The following TACC2 variants were observed in gnomAD, a reference collection of about 807,000 sequenced individuals.
The protein encoded by TACC2 is transforming acidic coiled-coil containing protein 2.
In TACC2, 137 loss-of-function variants were observed where a neutral mutation model predicts 227.3. The observed-to-expected ratio is 0.60, with a 90% CI of 0.52 to 0.69. The LOEUF is 0.69. Ranked by LOEUF, TACC2 falls within the 30% of genes least tolerant of loss-of-function variation. The probability of loss-of-function intolerance (pLI) is 0.00; values close to 1 mark genes in which losing one functional copy is unlikely to be tolerated. For missense variants in TACC2, 3,470 were observed against 3,694.4 expected, an observed-to-expected ratio of 0.94 and a Z score of 1.57; for synonymous variants, 1,523 against 1,487.5, an observed-to-expected ratio of 1.02 and a Z score of -0.55.
chr10:122,028,837 GCTCCC>G (rs1338738996), intron 2 of TACC2, among the ~76,000 whole-genome samples: 7 of 8,678 alleles, frequency 8.1e-4, no homozygotes, highest in African/African-American at 4.0e-3. Flanking sequence ...CCTTCCCTCC[GCTCCC>G]CTCCCCTCCC....
chr10:122,238,179 A>G, intron 18 of TACC2, 142 bp downstream of exon 18: 2 of 622,300 alleles, frequency 3.2e-6, no homozygotes, highest in East Asian at 2.8e-5. Context: ...ATATTTTTCT[A>G]AAAGTATTTT....
At chr10:122,213,981 C>G (rs1346802601) in intron 9 of TACC2, among the ~76,000 whole-genome samples, 1 of 152,188 alleles carries the variant, frequency 6.6e-6, no homozygotes, top group African/African-American at 2.4e-5. Flanking sequence ...GTCGGCATGC[C>G]TTGTCTGCCA....
At chr10:122,015,713 A>T (rs938087956) in intron 1 of TACC2, among the ~76,000 whole-genome samples, 1 of 148,602 alleles carries the variant, frequency 6.7e-6, no homozygotes, top group Middle Eastern at 3.6e-3. Flanking sequence ...TTAGCCAGGC[A>T]TGGTGGTGCA....
At chr10:122,061,570 T>C (rs915386459) in intron 3 of TACC2, among the ~76,000 whole-genome samples, 1 of 152,164 alleles carries the variant, frequency 6.6e-6, no homozygotes, top group South Asian at 2.1e-4. Context: ...AGTTCTCCTT[T>C]CTGCTTCAGG....
Position 122,085,891 on chromosome 10 carries a change from G to A in TACC2, c.3391G>A (p.Glu1131Lys), listed in dbSNP as rs759236435. 5 of 1,613,456 alleles carry A rather than the reference G, an allele frequency of 3.1e-6. No individual in the cohort carries two copies. The highest frequency in any genetic ancestry group is 1.7e-4 in the Middle Eastern group (1 of 6,052). The change falls in exon 4 of 23, where the codon GAG becomes AAG. Residue 1131 changes from glutamate to lysine, a missense_variant. Around this residue, in one of 10 missense-constraint regions of TACC2, gnomAD observed 1,924 missense variants for 1,978.3 expected, o/e 0.97. Coordinates refer to ENST00000369005, the MANE Select transcript of TACC2 (RefSeq NM_206862.4). ...GEQGGEAGAA[E>K]TGGSAGAGDP... Reference sequence around the variant, plus strand: ...GCAAGGTGGTGAAGCCGGGGCTGCTGAGACTGGTGGCAGCGCTGGTGCAGG... The same window carrying A: ...GCAAGGTGGTGAAGCCGGGGCTGCTAAGACTGGTGGCAGCGCTGGTGCAGG...
chr10:122,237,343 G>T (rs958879672), intron 16 of TACC2, 52 bp from the exon 17 acceptor site: 3 of 1,545,386 alleles, frequency 1.9e-6, no homozygotes, highest in Non-Finnish European at 2.6e-6. Flanking sequence ...AATCCTCTTT[G>T]TCGTATGATT....
chr10:122,249,895 C>A (rs2096217961), intron 22 of TACC2, among the ~76,000 whole-genome samples: 1 of 152,242 alleles, frequency 6.6e-6, no homozygotes, highest in Admixed American at 6.5e-5. Flanking sequence ...GTGTTTACTG[C>A]CATTTTCATT....
chr10:122,014,431 G>A (rs1019027561), intron 1 of TACC2, among the ~76,000 whole-genome samples: 15 of 151,952 alleles, frequency 9.9e-5, no homozygotes, highest in African/African-American at 3.1e-4. Context: ...GGCTGGTGTT[G>A]AACTCCTGAC....
chr10:122,166,242 T>G (rs892336190), intron 7 of TACC2, among the ~76,000 whole-genome samples: 1 of 152,192 alleles, frequency 6.6e-6, no homozygotes, highest in South Asian at 2.1e-4. Context: ...AGGGCCATGG[T>G]GTAAGAGTGA....
At chr10:122,193,820 G>T (rs1484539588) in intron 7 of TACC2, among the ~76,000 whole-genome samples, 1 of 152,198 alleles carries the variant, frequency 6.6e-6, no homozygotes, top group Non-Finnish European at 1.5e-5. Flanking sequence ...GGTGGAGCTG[G>T]CTTAGTACTG....
intron 7 of TACC2, among the ~76,000 whole-genome samples, chr10:122,179,617 G>A (rs1171797549): frequency 1.3e-5 from 2 of 151,488 alleles, no homozygotes; most frequent in East Asian, 3.9e-4. Context: ...TCCTGCTGCT[G>A]TTGTTACAGC....
At chr10:122,124,658 G>T (rs549450351) in intron 5 of TACC2, among the ~76,000 whole-genome samples, 3 of 152,276 alleles carry the variant, frequency 2.0e-5, no homozygotes, top group African/African-American at 7.2e-5. Flanking sequence ...CATGTGTGCT[G>T]GGGAGTGGCT....
At chr10:122,248,611 T>A in intron 19 of TACC2, 32 bp from the exon 20 acceptor site, 2 of 1,611,586 alleles carry the variant, frequency 1.2e-6, no homozygotes, top group Non-Finnish European at 1.7e-6. Context: ...CTTTCTGGGC[T>A]CCATCATTTG....
intron 7 of TACC2, among the ~76,000 whole-genome samples, chr10:122,178,276 G>A (rs540385477): frequency 6.4e-5 from 9 of 140,996 alleles, no homozygotes; most frequent in South Asian, 4.4e-4. Context: ...TGCTCTTGTC[G>A]CCTAGGCTGG....
At chr10:122,021,054 AC>A (rs1170052177) in intron 1 of TACC2, among the ~76,000 whole-genome samples, 2 of 151,786 alleles carry the variant, frequency 1.3e-5, no homozygotes, top group African/African-American at 4.8e-5. Context: ...AGATGGTGAA[AC>A]CCCGTCTCTA....
At position 122,226,349 on chromosome 10, in the gene TACC2, G is replaced by A. The variant is rs375871685; in HGVS notation, c.7609-17G>A. 95 of 1,594,994 alleles carry A rather than the reference G, an allele frequency of 6.0e-5. No homozygotes were observed. The highest frequency in any genetic ancestry group is 7.9e-5 in the Non-Finnish European group (92 of 1,163,484). The stretch of plus-strand genomic sequence containing the variant: ...GCCAACTGTACCCAAGCTGATATGT[G>A]ATTTTGATCCCTGCAGCAGGACGAC... On this transcript the variant is annotated splice_polypyrimidine_tract_variant and intron_variant, in intron 12 of 22. Coordinates refer to ENST00000369005, the MANE Select transcript of TACC2 (RefSeq NM_206862.4).
chr10:122,182,286 C>G (rs35861505), intron 7 of TACC2, among the ~76,000 whole-genome samples: 4,820 of 152,296 alleles, frequency 0.032, 102 homozygotes, highest in Non-Finnish European at 0.047. Context: ...GAAACCTGCT[C>G]TGGACGCAGG....
rs769522022 is a variant in TACC2 at position 122,082,743 on chromosome 10, G to A, written c.243G>A (p.Arg81=). The part of the protein sequence containing the change: ...CLVSPEVTEP[R]KDPQGARGPE... ...TGTCCCCAGAGGTGACTGAGCCAAG[G>A]AAGGACCCACAGGGAGCCAGGGGGC... is the stretch of plus-strand genomic sequence containing the variant. Residue 81 remains arginine, a synonymous_variant, in exon 4 of 23, where the codon AGG becomes AGA. Transcript: ENST00000369005. 7 of 1,614,058 alleles carry A rather than the reference G, an allele frequency of 4.3e-6. No individual in the cohort carries two copies.
intron 5 of TACC2, among the ~76,000 whole-genome samples, chr10:122,127,802 CG>C (rs1292396457): frequency 6.6e-6 from 1 of 152,118 alleles, no homozygotes; most frequent in African/African-American, 2.4e-5. Flanking sequence ...AGAAAGGGCC[CG>C]GAGCTGACAG....
Sources: gnomAD v4.1 joint callset for allele counts (sites outside exome capture counted in the v4.1 genomes callset) on GRCh38, gnomAD v4.1.1 for gene constraint, gnomAD v4.1.1 regional missense constraint, MANE v1.5 for transcripts, NCBI Gene and HGNC (gene_info 2026-07-23, HGNC 2026-07-21) for gene names.